The following SNTG1 variants were observed in gnomAD, a reference collection of about 807,000 sequenced individuals.
SNTG1 encodes the protein syntrophin gamma 1, also known as gamma-1-syntrophin.
SNTG1 carries 39 observed loss-of-function variants against 74.7 expected under a neutral mutation model. The observed-to-expected ratio is 0.52, with a 90% confidence interval of 0.40 to 0.68. SNTG1 has a LOEUF of 0.68. Ranked by LOEUF, SNTG1 falls within the 30% of genes least tolerant of loss-of-function variation. The pLI is 0.00. For synonymous variants in SNTG1, 254 were observed against 217.1 expected (o/e 1.17, Z -1.49); for missense variants, 685 against 609.5 (o/e 1.12, Z -1.30).
rs762448327 is a variant in SNTG1 at position 50,704,712 on chromosome 8, C to T, written c.1151C>T (p.Ala384Val). 3 of 1,614,090 alleles carry T rather than the reference C, an allele frequency of 1.9e-6. No individual in the cohort carries two copies. The highest frequency in any genetic ancestry group is 2.2e-5 in the East Asian group (1 of 44,858). Residue 384 changes from alanine to valine, a missense_variant, in exon 16 of 19, where the codon GCC (alanine) becomes GTC (valine). Coordinates refer to ENST00000642720, the MANE Select transcript of SNTG1 (RefSeq NM_018967.5). Reference sequence around the variant, plus strand: ...AGTGACCTCGCCCAGTGGGAAAGAGCCTTCCAGACAGCAACCTTTCTAGAA... The same window carrying T: ...AGTGACCTCGCCCAGTGGGAAAGAGTCTTCCAGACAGCAACCTTTCTAGAA... ...LESDLAQWERAFQTATFLEVE... is the reference protein window; with the variant it reads ...LESDLAQWERVFQTATFLEVE...
At chr8:50,690,463 C>T (rs992622952) in intron 15 of SNTG1, among the ~76,000 whole-genome samples, 22 of 152,024 alleles carry the variant, frequency 1.4e-4, no homozygotes, top group Non-Finnish European at 2.6e-4. Flanking sequence ...GTTCTCGTTG[C>T]TTTCAAAGAA....
chr8:50,510,525 A>G (rs375610508), intron 9 of SNTG1, among the ~76,000 whole-genome samples: 2 of 152,092 alleles, frequency 1.3e-5, no homozygotes, highest in African/African-American at 2.4e-5. Context: ...GTAGAATTCA[A>G]CTGTGAATCC....
At chr8:50,155,692 T>A (rs2082231333) in intron 1 of SNTG1, among the ~76,000 whole-genome samples, 1 of 151,992 alleles carries the variant, frequency 6.6e-6, no homozygotes, top group Admixed American at 6.6e-5. Context: ...AGCCTTAATT[T>A]TTTATATTAG....
At chr8:50,502,734 GA>G in intron 8 of SNTG1, 43 bp from the exon 9 acceptor site, 1 of 1,489,990 alleles carries the variant, frequency 6.7e-7, no homozygotes, top group Non-Finnish European at 9.3e-7. Context: ...CATATAACAT[GA>G]TAAATGTAAT....
chr8:49,991,280 G>A (rs1022311505), intron 1 of SNTG1, among the ~76,000 whole-genome samples: 2 of 152,034 alleles, frequency 1.3e-5, no homozygotes, highest in Non-Finnish European at 2.9e-5. Context: ...TGATCAAAAA[G>A]AAAGGTAATA....
chr8:50,145,763 T>A (rs1445973203), intron 1 of SNTG1, among the ~76,000 whole-genome samples: 1 of 152,152 alleles, frequency 6.6e-6, no homozygotes, highest in Admixed American at 6.5e-5. Flanking sequence ...TTTATTTTTA[T>A]GTTCATCTAT....
At chr8:50,405,517 T>C (rs995529910) in intron 4 of SNTG1, among the ~76,000 whole-genome samples, 1 of 152,098 alleles carries the variant, frequency 6.6e-6, no homozygotes, top group African/African-American at 2.4e-5. Flanking sequence ...TGGAGCTTAG[T>C]TGCAGGAATT....
At position 50,231,766 on chromosome 8, in the gene SNTG1, A is replaced by G. The variant is rs534588600; in HGVS notation, c.-28+59131A>G. The stretch of plus-strand genomic sequence containing the variant: ...CAAAGGGTACAAAGCCTCAGTTAGA[A>G]GGAATACATTTGCTTTATTTTTTAA... On this transcript the variant is annotated intron_variant, in intron 2 of 18. Coordinates refer to ENST00000642720, the MANE Select transcript of SNTG1 (RefSeq NM_018967.5). Among the ~76,000 whole-genome samples the G allele has an allele frequency of 3.0e-4, 45 of 151,442 alleles. No individual in the cohort carries two copies. In the South Asian group the frequency reaches 8.5e-3, roughly 29 times the overall value.
chr8:50,514,317 T>C (rs565817835), intron 9 of SNTG1, among the ~76,000 whole-genome samples: 1 of 152,280 alleles, frequency 6.6e-6, no homozygotes, highest in South Asian at 2.1e-4. Context: ...TTGAGGTTTT[T>C]AAATTATTTT....
At chr8:50,560,751 G>A (rs2094483063) in intron 12 of SNTG1, among the ~76,000 whole-genome samples, 2 of 152,038 alleles carry the variant, frequency 1.3e-5, no homozygotes, top group African/African-American at 2.4e-5. Context: ...AAGAAGAACA[G>A]CTAATGGGTG....
intron 8 of SNTG1, among the ~76,000 whole-genome samples, chr8:50,452,691 A>G (rs2131633819): frequency 6.6e-6 from 1 of 152,322 alleles, no homozygotes; most frequent in African/African-American, 2.4e-5. Context: ...GTGGTCCTTC[A>G]CAATAAGCTT....
At chr8:49,930,631 C>T (rs1178216752) in intron 1 of SNTG1, among the ~76,000 whole-genome samples, 1 of 151,574 alleles carries the variant, frequency 6.6e-6, no homozygotes, top group African/African-American at 2.4e-5. Flanking sequence ...CTATTTGAAA[C>T]CAGGAACACA....
intron 4 of SNTG1, among the ~76,000 whole-genome samples, chr8:50,431,449 G>A (rs1054887420): frequency 1.3e-5 from 2 of 152,144 alleles, no homozygotes; most frequent in Admixed American, 1.3e-4. Context: ...ACTTATTGAA[G>A]GACATCTTAT....
intron 17 of SNTG1, among the ~76,000 whole-genome samples, chr8:50,728,433 G>A (rs1343443509): frequency 6.6e-6 from 1 of 152,144 alleles, no homozygotes; most frequent in Non-Finnish European, 1.5e-5. Flanking sequence ...TTGAGGCCTG[G>A]TGAACAGGAA....
chr8:50,625,846 A>G (rs557568068), intron 13 of SNTG1, among the ~76,000 whole-genome samples: 2 of 152,332 alleles, frequency 1.3e-5, no homozygotes, highest in African/African-American at 4.8e-5. Flanking sequence ...TTTCTGATAT[A>G]TGTAGATATG....
intron 2 of SNTG1, among the ~76,000 whole-genome samples, chr8:50,203,624 C>A (rs57371928): frequency 6.6e-6 from 1 of 151,722 alleles, no homozygotes; most frequent in Non-Finnish European, 1.5e-5. Flanking sequence ...AAATGTGAAA[C>A]ATATACCTTT....
intron 18 of SNTG1, among the ~76,000 whole-genome samples, chr8:50,755,304 T>C (rs1280915775): frequency 6.6e-6 from 1 of 151,354 alleles, no homozygotes; most frequent in African/African-American, 2.4e-5. Flanking sequence ...TTTTTAAAAC[T>C]TGTCTCCGTA....
intron 3 of SNTG1, among the ~76,000 whole-genome samples, chr8:50,399,356 G>T (rs2092771089): frequency 6.6e-6 from 1 of 152,082 alleles, no homozygotes; most frequent in Non-Finnish European, 1.5e-5. Context: ...AATAATTTGT[G>T]AACATTTTAC....
intron 1 of SNTG1, among the ~76,000 whole-genome samples, chr8:50,131,282 TG>T (rs1173269803): frequency 1.3e-5 from 2 of 152,114 alleles, no homozygotes; most frequent in South Asian, 4.1e-4. Context: ...ATAATCAAAG[TG>T]GGCACTCGAT....
Sources: gnomAD v4.1 joint callset for allele counts (sites outside exome capture counted in the v4.1 genomes callset) on GRCh38, gnomAD v4.1.1 for gene constraint, MANE v1.5 for transcripts, NCBI Gene and HGNC (gene_info 2026-07-23, HGNC 2026-07-21) for gene names.